The following SV2B variants were observed in gnomAD, a reference collection of about 807,000 sequenced individuals.
SV2B encodes the protein solute carrier family 22 member B2.
SV2B carries 41 observed loss-of-function variants against 73.9 expected under a neutral mutation model. That is an observed-to-expected ratio of 0.56 (90% CI 0.43 to 0.72). The LOEUF is 0.72. Ranked by LOEUF, SV2B falls within the 30% of genes least tolerant of loss-of-function variation. The pLI, the probability that SV2B is intolerant of heterozygous loss-of-function variation, is 0.00. For missense variants in SV2B, 764 were observed against 857.8 expected (o/e 0.89, Z 1.37); for synonymous variants, 314 against 314.2 (o/e 1.00, Z 0.01).
Position 91,226,080 on chromosome 15 carries a change from C to G in SV2B, c.-184C>G. On this transcript the variant is annotated 5_prime_UTR_variant, in exon 2 of 13. Transcript: ENST00000394232. ...AAAGGATATTTAGGTTGTCTTTGCACAAATCTGGTTGATTTGAGAGATAAA... is the reference window on the plus strand; with the variant it reads ...AAAGGATATTTAGGTTGTCTTTGCAGAAATCTGGTTGATTTGAGAGATAAA... 1.6e-6 allele frequency: 1 copy of G among 626,852 alleles called. No homozygotes were observed. 38.8% of individuals were successfully genotyped at this position (626,852 alleles called of 1,614,324 possible). A position where few individuals can be genotyped will look rare whatever the true frequency, so the allele number is the denominator to read the frequency against.
rs1408417887 is a variant in SV2B at position 91,214,402 on chromosome 15, T to C, written c.-391-11471T>C. On this transcript the variant is annotated intron_variant, in intron 1 of 12. Transcript: ENST00000394232. The surrounding 1 kb of genome is among the most constrained non-coding windows in gnomAD (Gnocchi z 4.7). ...GTGTGTGTGTTTATATAACAATAGCTATTTTTATTGAGCTCTTTCTTGGTG... is the reference window on the plus strand; with the variant it reads ...GTGTGTGTGTTTATATAACAATAGCCATTTTTATTGAGCTCTTTCTTGGTG... Among the ~76,000 whole-genome samples, 1 of 152,250 alleles carries C rather than the reference T, an allele frequency of 6.6e-6. No individual in the cohort carries two copies. Among genetic ancestry groups the C allele is most frequent in the African/African-American group, 2.4e-5 (1 of 41,466 alleles).
chr15:91,267,234 G>A lies in SV2B; in HGVS notation c.1120-321G>A, dbSNP rs2048136680. 6.6e-6 allele frequency among the ~76,000 whole-genome samples: 1 copy of A among 152,202 alleles called. No individual in the cohort carries two copies. The highest frequency in any genetic ancestry group is 1.5e-5 in the Non-Finnish European group (1 of 68,032). On this transcript the variant is annotated intron_variant, in intron 7 of 12. Coordinates refer to ENST00000394232, the MANE Select transcript of SV2B (RefSeq NM_001323032.3). The surrounding 1 kb of genome is among the most constrained non-coding windows in gnomAD (Gnocchi z 4.3). Reference sequence around the variant, plus strand: ...GTTTGCAATATCCCCCTTGCCCACAGGCAGGGAGTAGAACTCAGCAGTCAA... The same window carrying A: ...GTTTGCAATATCCCCCTTGCCCACAAGCAGGGAGTAGAACTCAGCAGTCAA...
rs184660863 is a variant in SV2B at position 91,141,878 on chromosome 15, G to A, written c.-392+41515G>A. 6.6e-6 allele frequency among the ~76,000 whole-genome samples: 1 copy of A among 152,182 alleles called. No individual in the cohort carries two copies. Among genetic ancestry groups the A allele is most frequent in the East Asian group, 1.9e-4 (1 of 5,186 alleles). On this transcript the variant is annotated intron_variant, in intron 1 of 12. Coordinates refer to ENST00000394232, the MANE Select transcript of SV2B (RefSeq NM_001323032.3). The surrounding 1 kb of genome is among the most constrained non-coding windows in gnomAD (Gnocchi z 4.6). ...GTTTAAAAGACTGACACTGTCGGAC[G>A]GGAATTGGCAGTAGAGAACACAGGG...
chr15:91,181,316 TC>T (rs34527989), intron 1 of SV2B, among the ~76,000 whole-genome samples: 53,891 of 151,562 alleles, frequency 0.36, 10,009 homozygotes, highest in East Asian at 0.7. Context: ...GGGGGGTGCC[TC>T]CCAGTTAGGC....
At chr15:91,246,184 G>A (rs2047216627) in intron 2 of SV2B, among the ~76,000 whole-genome samples, 1 of 152,032 alleles carries the variant, frequency 6.6e-6, no homozygotes, top group Non-Finnish European at 1.5e-5. Flanking sequence ...AGAGAGGGAG[G>A]TCTATTTAAA....
chr15:91,251,678 A>T (rs2047486892), intron 2 of SV2B, 141 bp from the exon 3 acceptor site: 1 of 1,075,254 alleles, frequency 9.3e-7, no homozygotes, highest in Non-Finnish European at 1.3e-6. Context: ...ATTTGCCACA[A>T]ATATCACATT....
At chr15:91,266,471 C>T (rs926461400) in intron 6 of SV2B, 111 bp from the exon 7 acceptor site, 64 of 766,644 alleles carry the variant, frequency 8.3e-5, no homozygotes, top group Middle Eastern at 3.6e-4. Context: ...TTTGAGAAAT[C>T]GCAGACTCCT....
At chr15:91,157,204 A>G (rs2043520994) in intron 1 of SV2B, among the ~76,000 whole-genome samples, 1 of 152,194 alleles carries the variant, frequency 6.6e-6, no homozygotes, top group African/African-American at 2.4e-5. Context: ...TCCGGGAAGC[A>G]TGTCCTGGAG....
chr15:91,281,632 C>A lies in SV2B; in HGVS notation c.1374-96C>A. ...ATAATGCTCTGGCACCTTTTGCTTG[C>A]ACATCTCCTTTTTCTGCCTTGCTGT... is the stretch of plus-strand genomic sequence containing the variant. On this transcript the variant is annotated intron_variant, in intron 9 of 12. Coordinates refer to ENST00000394232, the MANE Select transcript of SV2B (RefSeq NM_001323032.3). The surrounding 1 kb of genome is among the most constrained non-coding windows in gnomAD (Gnocchi z 4.7). 1 of 1,412,338 alleles carries A rather than the reference C, an allele frequency of 7.1e-7. No homozygotes were observed. Among genetic ancestry groups the A allele is most frequent in the Non-Finnish European group, 9.6e-7 (1 of 1,045,290 alleles). The allele number at this position is 1,412,338 out of a possible 1,614,324, so 87.5% of individuals were successfully genotyped here.
At chr15:91,099,943 A>C (rs2041674855), upstream of SV2B, 1 of 152,254 alleles carries the variant, frequency 6.6e-6, no homozygotes, top group Non-Finnish European at 1.5e-5. Context: ...GAGGAATAAG[A>C]AGTTTAATAT....
rs1454655340 is a variant in SV2B at position 91,296,640 on chromosome 15, CTTT to C, written c.*4089_*4091del. On this transcript the variant is annotated 3_prime_UTR_variant, in exon 13 of 13. Coordinates refer to ENST00000394232, the MANE Select transcript of SV2B (RefSeq NM_001323032.3). ...TCTGCCTGATCGTTGGGAGCACACT[CTTT>C]CTGCCTGATCGTTGGGAGCACACCC... The C allele has an allele frequency of 1.3e-5, 2 of 150,734 alleles. No homozygotes were observed. Among genetic ancestry groups the C allele is most frequent in the African/African-American group, 5.1e-5 (2 of 39,326 alleles). 9.3% of individuals were successfully genotyped at this position (150,734 alleles called of 1,614,324 possible). A position where few individuals can be genotyped will look rare whatever the true frequency, so the allele number is the denominator to read the frequency against.
rs1449022571 is a variant in SV2B at position 91,289,408 on chromosome 15, C to A, written c.1709-113C>A. On this transcript the variant is annotated intron_variant, in intron 11 of 12. Coordinates refer to ENST00000394232, the MANE Select transcript of SV2B (RefSeq NM_001323032.3). This position sits in a 1 kb window ranked among gnomAD's most constrained non-coding sequence, Gnocchi z 4.9. ...AGGGTGAACCTAATACTTCAGGCAGCCTTGGCTTCAGGTGTACCAGTGAGG... is the reference window on the plus strand; with the variant it reads ...AGGGTGAACCTAATACTTCAGGCAGACTTGGCTTCAGGTGTACCAGTGAGG... 19 of 1,356,176 alleles carry A rather than the reference C, an allele frequency of 1.4e-5. No homozygotes were observed. The highest frequency in any genetic ancestry group is 1.2e-4 in the Admixed American group (7 of 58,080). The allele number at this position is 1,356,176 out of a possible 1,614,324, so 84.0% of individuals were successfully genotyped here. A position where few individuals can be genotyped will look rare whatever the true frequency, so the allele number is the denominator to read the frequency against.
chr15:91,256,594 C>G (rs1461104830), intron 4 of SV2B, among the ~76,000 whole-genome samples: 1 of 152,160 alleles, frequency 6.6e-6, no homozygotes, highest in African/African-American at 2.4e-5. Flanking sequence ...TCTAGTGTTA[C>G]TCCCAGGAGA....
chr15:91,188,506 G>A (rs752928796), intron 1 of SV2B, among the ~76,000 whole-genome samples: 32 of 151,754 alleles, frequency 2.1e-4, no homozygotes, highest in Non-Finnish European at 4.1e-4. Context: ...TAGTAGAGAC[G>A]GGGTTTCATC....
chr15:91,247,865 G>T (rs2047303962), intron 2 of SV2B, among the ~76,000 whole-genome samples: 1 of 152,134 alleles, frequency 6.6e-6, no homozygotes, highest in Non-Finnish European at 1.5e-5. Context: ...TGGAGCTGAG[G>T]GACAATAATT....
chr15:91,157,208 C>T (rs1254618222), intron 1 of SV2B, among the ~76,000 whole-genome samples: 3 of 152,148 alleles, frequency 2.0e-5, no homozygotes, highest in African/African-American at 4.8e-5. Context: ...GGAAGCATGT[C>T]CTGGAGTGAT....
intron 2 of SV2B, among the ~76,000 whole-genome samples, chr15:91,248,691 C>G (rs949001698): frequency 6.6e-6 from 1 of 152,088 alleles, no homozygotes; most frequent in Non-Finnish European, 1.5e-5. Context: ...AGTGTGGTCC[C>G]CAGACCAGCA....
In SV2B at chr15:91,265,087, G is replaced by T. The variant is rs188158656; in HGVS notation, c.1009-1495G>T. 3.9e-4 allele frequency among the ~76,000 whole-genome samples: 60 copies of T among 152,308 alleles called. No individual in the cohort carries two copies. Among genetic ancestry groups the T allele is most frequent in the African/African-American group, 1.2e-3 (51 of 41,558 alleles). On this transcript the variant is annotated intron_variant, in intron 6 of 12. Coordinates refer to ENST00000394232, the MANE Select transcript of SV2B (RefSeq NM_001323032.3). The surrounding 1 kb of genome is among the most constrained non-coding windows in gnomAD (Gnocchi z 4.2). ...GAGCCAGCCTGTGGTTGGCGGTCAG[G>T]GGCGGGTACTCAGCCCAGCTTGAAG...
chr15:91,182,613 C>T (rs1048401233), intron 1 of SV2B, among the ~76,000 whole-genome samples: 1 of 152,142 alleles, frequency 6.6e-6, no homozygotes, highest in African/African-American at 2.4e-5. Context: ...AGCCATCTCT[C>T]AAACACGTGC....
Sources: allele counts gnomAD v4.1 joint callset (sites outside exome capture counted in the v4.1 genomes callset), GRCh38; gene constraint gnomAD v4.1.1; non-coding constraint Gnocchi (gnomAD v3.1); transcripts MANE v1.5; gene names NCBI Gene and HGNC (gene_info 2026-07-23, HGNC 2026-07-21).